The following KLF12 variants were observed in gnomAD, a reference collection of about 807,000 sequenced individuals.
The protein encoded by KLF12 is Krueppel-like factor 12.
A neutral mutation model predicts 37.8 loss-of-function variants in KLF12; 9 were observed. That is an observed-to-expected ratio of 0.24 (90% CI 0.14 to 0.42). The LOEUF (loss-of-function observed/expected upper bound fraction) is 0.42, where lower values mean the gene tolerates loss of function less well. Ranked by LOEUF, KLF12 falls within the 10% of genes least tolerant of loss-of-function variation. The pLI is 1.00. For synonymous variants in KLF12, 208 were observed against 202.1 expected, an observed-to-expected ratio of 1.03 and a Z score of -0.25; for missense variants, 411 against 516.0, an observed-to-expected ratio of 0.80 and a Z score of 1.97.
chr13:74,235,948 AT>A, the KLF12 span, among the ~76,000 whole-genome samples: 35 of 148,674 alleles, frequency 2.4e-4, no homozygotes, highest in South Asian at 1.3e-3. Flanking sequence ...TTTTATTTTT[AT>A]TTTTTTTTAT....
the KLF12 span, among the ~76,000 whole-genome samples, chr13:74,280,983 G>A: frequency 1.3e-5 from 2 of 151,914 alleles, no homozygotes; most frequent in Non-Finnish European, 2.9e-5. Context: ...ACTTTACAGT[G>A]GGGTGAAAAC....
At chr13:74,080,858 G>A (rs7317404) in intron 1 of KLF12, among the ~76,000 whole-genome samples, 151,911 of 152,366 alleles carry the variant, frequency 1, 75,732 homozygotes, top group Middle Eastern at 1. Flanking sequence ...TTTAATACTG[G>A]TACTGATGAG....
At chr13:74,090,292 T>C (rs980013203) in intron 1 of KLF12, among the ~76,000 whole-genome samples, 2 of 152,118 alleles carry the variant, frequency 1.3e-5, no homozygotes, top group African/African-American at 4.8e-5. Context: ...ATTAAAGATC[T>C]GAATGAAAGA....
chr13:73,853,737 T>TAAA (rs10715902), intron 3 of KLF12, among the ~76,000 whole-genome samples: 2 of 139,658 alleles, frequency 1.4e-5, no homozygotes, highest in South Asian at 4.6e-4. Flanking sequence ...AGACCCTGTC[T>TAAA]AAAAAAAAAA....
intron 1 of KLF12, among the ~76,000 whole-genome samples, chr13:74,093,837 G>A (rs559111083): frequency 2.2e-4 from 33 of 151,904 alleles, no homozygotes; most frequent in Admixed American, 6.6e-4. Flanking sequence ...GCATTACTTT[G>A]GTTTAAATAG....
At chr13:74,275,806 C>CT in the KLF12 span, among the ~76,000 whole-genome samples, 10 of 79,616 alleles carry the variant, frequency 1.3e-4, no homozygotes, top group South Asian at 4.5e-3. Context: ...TTCTTTCTTT[C>CT]CTTCTTTCTT....
chr13:74,110,075 T>G (rs957874482), intron 1 of KLF12, among the ~76,000 whole-genome samples: 6 of 152,184 alleles, frequency 3.9e-5, no homozygotes, highest in African/African-American at 1.4e-4. Flanking sequence ...TCAAGAAAAT[T>G]TGGAAATCTA....
intron 3 of KLF12, among the ~76,000 whole-genome samples, chr13:73,895,642 C>G (rs1887728885): frequency 6.6e-6 from 1 of 151,924 alleles, no homozygotes; most frequent in Admixed American, 6.6e-5. Context: ...ACACAGGGCA[C>G]AGGAGGAAGG....
intron 2 of KLF12, among the ~76,000 whole-genome samples, chr13:73,982,751 G>A (rs1891719889): frequency 6.6e-6 from 1 of 152,040 alleles, no homozygotes; most frequent in Non-Finnish European, 1.5e-5. Flanking sequence ...TAACTGCTTA[G>A]GAAAATCCCT....
chr13:73,755,980 C>T (rs897464192), intron 6 of KLF12, among the ~76,000 whole-genome samples: 2 of 152,102 alleles, frequency 1.3e-5, no homozygotes, highest in African/African-American at 4.8e-5. Flanking sequence ...ATATACACCA[C>T]ATTTTCTTTA....
intron 1 of KLF12, among the ~76,000 whole-genome samples, chr13:74,092,452 C>T (rs992829612): frequency 2.3e-5 from 3 of 131,396 alleles, no homozygotes; most frequent in African/African-American, 5.6e-5. Flanking sequence ...GGTGAAACCC[C>T]GTCTCTACTA....
the KLF12 span, among the ~76,000 whole-genome samples, chr13:74,276,167 C>A: frequency 6.6e-6 from 1 of 151,760 alleles, no homozygotes; most frequent in Admixed American, 6.6e-5. Context: ...TGTGATGTTC[C>A]CCTCCCTGTG....
At chr13:73,809,361 G>A (rs756627779) in intron 5 of KLF12, among the ~76,000 whole-genome samples, 4 of 67,348 alleles carry the variant, frequency 5.9e-5, no homozygotes, top group Non-Finnish European at 9.1e-5. Context: ...ATCAAGATAC[G>A]GAAAGACAAA....
chr13:73,814,341 C>CT (rs367610064), intron 4 of KLF12, among the ~76,000 whole-genome samples: 66 of 152,218 alleles, frequency 4.3e-4, no homozygotes, highest in African/African-American at 1.5e-3. Flanking sequence ...TCTCAAATCA[C>CT]TTTTTTTGGT....
the KLF12 span, among the ~76,000 whole-genome samples, chr13:74,177,924 T>C: frequency 1.3e-5 from 2 of 152,326 alleles, no homozygotes; most frequent in East Asian, 1.9e-4. Flanking sequence ...TACATTACAG[T>C]AATAAATGCA....
the KLF12 span, among the ~76,000 whole-genome samples, chr13:74,254,458 G>A: frequency 9.9e-5 from 15 of 152,230 alleles, no homozygotes; most frequent in East Asian, 2.3e-3. Flanking sequence ...TTAATTCTGA[G>A]AACAACCCAA....
chr13:73,810,963 A>T (rs59347842), intron 5 of KLF12, among the ~76,000 whole-genome samples: 45,238 of 105,392 alleles, frequency 0.43, 7,873 homozygotes, highest in East Asian at 0.66. Flanking sequence ...AACAATGTTT[A>T]TTTTTTTAAT....
chr13:74,101,359 G>GTTAA (rs1277213923), intron 1 of KLF12, among the ~76,000 whole-genome samples: 1 of 152,072 alleles, frequency 6.6e-6, no homozygotes, highest in East Asian at 1.9e-4. Flanking sequence ...CTTTTCTCCT[G>GTTAA]TTAATCTGTC....
chr13:73,931,918 C>G (rs1889704398), intron 3 of KLF12, among the ~76,000 whole-genome samples: 1 of 151,412 alleles, frequency 6.6e-6, no homozygotes, highest in South Asian at 2.1e-4. Context: ...ACCCAGAAGG[C>G]TCATTCGACT....
Sources: allele counts gnomAD v4.1 joint callset (sites outside exome capture counted in the v4.1 genomes callset), GRCh38; gene constraint gnomAD v4.1.1; transcripts MANE v1.5; gene names NCBI Gene and HGNC (gene_info 2026-07-23, HGNC 2026-07-21).